The following TTC7A variants were observed in gnomAD, a reference collection of about 807,000 sequenced individuals.
TTC7A encodes the protein tetratricopeptide repeat domain 7A.
A neutral mutation model predicts 103.7 loss-of-function variants in TTC7A; 110 were observed. The observed-to-expected ratio is 1.06, with a 90% CI of 0.91 to 1.24. TTC7A has a LOEUF of 1.24. Among genes scored for constraint, TTC7A ranks in the 50% most tolerant of loss-of-function variants. TTC7A has a pLI of 0.00. For missense variants in TTC7A, 1,340 were observed against 1,116.3 expected, an observed-to-expected ratio of 1.20 and a Z score of -2.86; for synonymous variants, 521 against 467.9, an observed-to-expected ratio of 1.11 and a Z score of -1.47.
upstream of TTC7A, among the ~76,000 whole-genome samples, chr2:46,940,253 G>C (rs1670217062): frequency 6.6e-6 from 1 of 152,180 alleles, no homozygotes; most frequent in Non-Finnish European, 1.5e-5. This position sits in a 1 kb window ranked among gnomAD's most constrained non-coding sequence, Gnocchi z 4.7. Context: ...TAACTCTTAG[G>C]AGTCTGCTCA....
intron 15 of TTC7A, among the ~76,000 whole-genome samples, chr2:47,044,943 G>A (rs1384298388): frequency 1.3e-5 from 2 of 152,204 alleles, no homozygotes; most frequent in Admixed American, 1.3e-4. Context: ...AACTGCCAGG[G>A]GCAGGCCTGG....
chr2:46,998,361 C>G (rs1443889552), intron 8 of TTC7A, among the ~76,000 whole-genome samples: 1 of 152,280 alleles, frequency 6.6e-6, no homozygotes, highest in South Asian at 2.1e-4. Context: ...GCCAGACCTG[C>G]CTTTTCTCCT....
chr2:46,927,514 G>T (rs977246726), intron 2 of TTC7A, among the ~76,000 whole-genome samples: 1 of 151,796 alleles, frequency 6.6e-6, no homozygotes, highest in Non-Finnish European at 1.5e-5. Context: ...CCGCCACCAC[G>T]CCCGGCTAAT....
chr2:46,966,093 G>T (rs1425063479), intron 3 of TTC7A, among the ~76,000 whole-genome samples: 2 of 152,050 alleles, frequency 1.3e-5, no homozygotes, highest in African/African-American at 4.8e-5. Context: ...GGGTTTACAG[G>T]CATGCGCCAC....
intron 2 of TTC7A, among the ~76,000 whole-genome samples, chr2:46,927,355 ATTT>A (rs60808815): frequency 5.3e-5 from 7 of 132,854 alleles, no homozygotes; most frequent in Admixed American, 7.6e-5. Flanking sequence ...AGAAAAAAAG[ATTT>A]TTTTTTTTTT....
chr2:47,005,790 TG>T, intron 8 of TTC7A, 131 bp from the exon 9 acceptor site: 1 of 942,278 alleles, frequency 1.1e-6, no homozygotes, highest in Non-Finnish European at 1.6e-6. Flanking sequence ...TCTGGGAGTG[TG>T]GCCATCTTTC....
Position 46,967,074 on chromosome 2 carries a change from G to A in TTC7A, c.518-7899G>A, listed in dbSNP as rs186893755. Among the ~76,000 whole-genome samples, 534 of 152,068 alleles carry A rather than the reference G, an allele frequency of 3.5e-3. 5 individuals carry two copies. Among genetic ancestry groups the A allele is most frequent in the Non-Finnish European group, 5.3e-3 (358 of 68,000 alleles). On this transcript the variant is annotated intron_variant, in intron 3 of 19. Transcript: ENST00000319190. ...CTAAAAATATAAAAATTAGCCAGGCGTGGTGGCGCGTGCCTGTAATTCCAG... is the reference window on the plus strand; with the variant it reads ...CTAAAAATATAAAAATTAGCCAGGCATGGTGGCGCGTGCCTGTAATTCCAG...
At chr2:46,924,051 A>T (rs996271962) in intron 2 of TTC7A, among the ~76,000 whole-genome samples, 9 of 151,972 alleles carry the variant, frequency 5.9e-5, no homozygotes, top group East Asian at 1.9e-4. Context: ...AAAATTTTTT[A>T]AAAAATAGCC....
chr2:47,061,998 G>A (rs1683821855), intron 19 of TTC7A, among the ~76,000 whole-genome samples: 1 of 152,194 alleles, frequency 6.6e-6, no homozygotes, highest in African/African-American at 2.4e-5. Context: ...TATCCCTGAC[G>A]TCTTCTGGCA....
intron 18 of TTC7A, among the ~76,000 whole-genome samples, chr2:47,056,018 C>A (rs1187655582): frequency 6.6e-6 from 1 of 151,940 alleles, no homozygotes; most frequent in Non-Finnish European, 1.5e-5. Flanking sequence ...TCCCTCCTCC[C>A]AGCTTCCCGA....
chr2:47,037,407 C>G (rs1032055866), intron 15 of TTC7A, among the ~76,000 whole-genome samples: 1 of 152,200 alleles, frequency 6.6e-6, no homozygotes, highest in Non-Finnish European at 1.5e-5. Context: ...TTGGGGATCT[C>G]ACAGCCAGAG....
chr2:47,045,089 C>T (rs1350836943), intron 15 of TTC7A, among the ~76,000 whole-genome samples: 1 of 152,208 alleles, frequency 6.6e-6, no homozygotes, highest in Non-Finnish European at 1.5e-5. Context: ...GTACCGTGGT[C>T]TTGCTCATCA....
chr2:46,963,277 G>C, intron 3 of TTC7A, among the ~76,000 whole-genome samples: 1 of 148,736 alleles, frequency 6.7e-6, no homozygotes, highest in South Asian at 2.1e-4. Flanking sequence ...GTTTTATACA[G>C]ACAAAGCTTT....
Position 47,024,000 on chromosome 2 carries a change from G to A in TTC7A, c.1569-287G>A, listed in dbSNP as rs201418039. Among the ~76,000 whole-genome samples, 23 of 150,422 alleles carry A rather than the reference G, an allele frequency of 1.5e-4. No homozygotes were observed. The East Asian group carries it at 2.6e-3, about 17-fold the overall frequency. On this transcript the variant is annotated intron_variant, in intron 13 of 19. Coordinates refer to ENST00000319190, the MANE Select transcript of TTC7A (RefSeq NM_020458.4). ...CCATGGGTTGTATATTCATCCCATC[G>A]TCTTTCTTCTTTGGGGTCTGTCACC...
At chr2:47,055,563 C>T (rs1018404906) in intron 18 of TTC7A, among the ~76,000 whole-genome samples, 1 of 152,170 alleles carries the variant, frequency 6.6e-6, no homozygotes, top group African/African-American at 2.4e-5. Flanking sequence ...AGAACTACCC[C>T]TTCATCCCCC....
At chr2:46,919,588 T>C (rs1668993052) in intron 2 of TTC7A, among the ~76,000 whole-genome samples, 1 of 152,190 alleles carries the variant, frequency 6.6e-6, no homozygotes, top group South Asian at 2.1e-4. Context: ...TACATGAAAT[T>C]GATCAGAAGT....
intron 4 of TTC7A, among the ~76,000 whole-genome samples, chr2:46,976,731 A>G (rs1673922238): frequency 6.6e-6 from 1 of 152,158 alleles, no homozygotes; most frequent in Non-Finnish European, 1.5e-5. Flanking sequence ...GACTCTCCCC[A>G]CTATGCCAGT....
chr2:47,015,086 A>G (rs1678497542), intron 11 of TTC7A, among the ~76,000 whole-genome samples: 1 of 152,164 alleles, frequency 6.6e-6, no homozygotes, highest in African/African-American at 2.4e-5. Context: ...CCTGGGGCTT[A>G]TCTTGAAGTT....
At chr2:46,954,746 A>G (rs894448973) in intron 2 of TTC7A, among the ~76,000 whole-genome samples, 1 of 151,796 alleles carries the variant, frequency 6.6e-6, no homozygotes, top group African/African-American at 2.4e-5. Flanking sequence ...TAATTTTTGT[A>G]TTTTTAGTAG....
Sources: gnomAD v4.1 joint callset for allele counts (sites outside exome capture counted in the v4.1 genomes callset) on GRCh38, gnomAD v4.1.1 for gene constraint, Gnocchi (gnomAD v3.1) non-coding constraint, MANE v1.5 for transcripts, NCBI Gene and HGNC (gene_info 2026-07-23, HGNC 2026-07-21) for gene names.